UBAC2: variants seen among roughly 807,000 people sequenced by gnomAD.
The protein encoded by UBAC2 is UBA domain containing 2, also known as ubiquitin-associated domain-containing protein 2.
A neutral mutation model predicts 44.0 loss-of-function variants in UBAC2; 26 were observed. The ratio of observed to expected loss-of-function variants is 0.59; its 90% CI spans 0.43 to 0.82. UBAC2 has a LOEUF of 0.82. UBAC2 is among the 40% of genes least tolerant of loss of function. UBAC2 has a pLI of 0.00. For missense variants in UBAC2, 329 were observed against 419.4 expected (o/e 0.78, Z 1.88); for synonymous variants, 155 against 154.3 (o/e 1.00, Z -0.04).
chr13:99,273,403 G>A (rs1476017561), intron 4 of UBAC2, among the ~76,000 whole-genome samples: 1 of 152,156 alleles, frequency 6.6e-6, no homozygotes, highest in African/African-American at 2.4e-5. Flanking sequence ...CTCCTGTTTG[G>A]TGAGGTTCCA....
chr13:99,208,124 A>C (rs1192554726), intron 1 of UBAC2, among the ~76,000 whole-genome samples: 2 of 151,220 alleles, frequency 1.3e-5, no homozygotes, highest in African/African-American at 2.4e-5. Context: ...CAGCCCCCCA[A>C]GTAGCTGGGA....
intron 7 of UBAC2, among the ~76,000 whole-genome samples, chr13:99,341,437 G>A (rs937550637): frequency 1.4e-5 from 2 of 145,592 alleles, no homozygotes; most frequent in Non-Finnish European, 3.0e-5. Flanking sequence ...GAGGAAGGGG[G>A]CAGCTTATTA....
At chr13:99,241,172 G>T (rs1373021801) in intron 2 of UBAC2, among the ~76,000 whole-genome samples, 1 of 150,892 alleles carries the variant, frequency 6.6e-6, no homozygotes, top group East Asian at 2.0e-4. Flanking sequence ...GCTGAGCTGC[G>T]AGTATTGATT....
intron 4 of UBAC2, among the ~76,000 whole-genome samples, chr13:99,259,572 C>A (rs984715863): frequency 6.6e-6 from 1 of 152,106 alleles, no homozygotes; most frequent in Admixed American, 6.5e-5. Flanking sequence ...CAGTTTCTCC[C>A]GCTGTAATAA....
At chr13:99,358,473 T>C (rs1175981613) in intron 7 of UBAC2, among the ~76,000 whole-genome samples, 2 of 152,222 alleles carry the variant, frequency 1.3e-5, no homozygotes, top group African/African-American at 4.8e-5. Flanking sequence ...AGTGCCACTC[T>C]TCTCAGTAAT....
At chr13:99,324,600 T>G (rs2044613014) in intron 6 of UBAC2, among the ~76,000 whole-genome samples, 1 of 152,236 alleles carries the variant, frequency 6.6e-6, no homozygotes, top group Non-Finnish European at 1.5e-5. Context: ...CTAAGCACTT[T>G]ACAAACATTA....
chr13:99,385,163 T>G, intron 8 of UBAC2, 65 bp from the exon 9 acceptor site: 27 of 1,207,244 alleles, frequency 2.2e-5, no homozygotes, highest in Non-Finnish European at 3.1e-5. Flanking sequence ...ATGAAGAACA[T>G]TTGGGGCCCA....
At chr13:99,232,461 A>G (rs2043187233) in intron 1 of UBAC2, among the ~76,000 whole-genome samples, 1 of 142,468 alleles carries the variant, frequency 7.0e-6, no homozygotes, top group Non-Finnish European at 1.6e-5. Context: ...AAAAAAAAAA[A>G]TCTTCAAAGG....
At chr13:99,291,221 T>C (rs1260901525) in intron 4 of UBAC2, among the ~76,000 whole-genome samples, 1 of 152,194 alleles carries the variant, frequency 6.6e-6, no homozygotes, top group Non-Finnish European at 1.5e-5. Flanking sequence ...ACTTGGAAAG[T>C]GGCATGTAGT....
chr13:99,285,058 A>G (rs192995454), intron 4 of UBAC2, among the ~76,000 whole-genome samples: 1 of 152,310 alleles, frequency 6.6e-6, no homozygotes, highest in Admixed American at 6.5e-5. Flanking sequence ...ACATCATAAT[A>G]TCATATTTCA....
At chr13:99,334,538 C>A (rs2044760117) in intron 6 of UBAC2, among the ~76,000 whole-genome samples, 2 of 152,140 alleles carry the variant, frequency 1.3e-5, no homozygotes, top group Admixed American at 1.3e-4. Context: ...TAGGGTCTTG[C>A]AAGCTTCTCC....
At chr13:99,280,491 A>G (rs559105580) in intron 4 of UBAC2, among the ~76,000 whole-genome samples, 1 of 152,342 alleles carries the variant, frequency 6.6e-6, no homozygotes, top group South Asian at 2.1e-4. Context: ...TGCTCCAGCC[A>G]GAGTTGGAAT....
chr13:99,242,770 C>T (rs9557182), intron 2 of UBAC2, among the ~76,000 whole-genome samples: 11 of 23,908 alleles, frequency 4.6e-4, no homozygotes, highest in East Asian at 1.6e-3. Flanking sequence ...GGCTGCCGGG[C>T]GGAGACGCTC....
intron 6 of UBAC2, among the ~76,000 whole-genome samples, chr13:99,325,166 G>A (rs1004678634): frequency 7.0e-6 from 1 of 142,862 alleles, no homozygotes; most frequent in East Asian, 2.1e-4. Flanking sequence ...GCTGTGGCGC[G>A]ATCTTGGTTC....
intron 1 of UBAC2, among the ~76,000 whole-genome samples, chr13:99,214,119 T>C (rs1463882472): frequency 6.6e-6 from 1 of 152,186 alleles, no homozygotes; most frequent in African/African-American, 2.4e-5. Context: ...GCACCTGGCC[T>C]GATTGTGTAT....
intron 7 of UBAC2, among the ~76,000 whole-genome samples, chr13:99,361,583 T>A (rs1167001117): frequency 6.6e-6 from 1 of 152,230 alleles, no homozygotes; most frequent in Non-Finnish European, 1.5e-5. Flanking sequence ...ACTACATACA[T>A]ACTTATCAGG....
chr13:99,298,939 G>A (rs562764676), intron 4 of UBAC2, among the ~76,000 whole-genome samples: 6 of 152,056 alleles, frequency 3.9e-5, no homozygotes, highest in African/African-American at 7.2e-5. Context: ...CTTTGAAAAT[G>A]TATTTTTTTC....
intron 7 of UBAC2, among the ~76,000 whole-genome samples, chr13:99,341,461 C>T (rs532557928): frequency 7.9e-5 from 12 of 152,080 alleles, no homozygotes; most frequent in South Asian, 2.1e-4. Flanking sequence ...GCAGAGTCTA[C>T]AAGAGAAATA....
At chr13:99,247,406 G>A (rs1171672515) in intron 4 of UBAC2, among the ~76,000 whole-genome samples, 1 of 151,554 alleles carries the variant, frequency 6.6e-6, no homozygotes, top group Non-Finnish European at 1.5e-5. Context: ...AGTAGAGACG[G>A]GGTTTCACCG....
Sources: allele counts gnomAD v4.1 joint callset (sites outside exome capture counted in the v4.1 genomes callset), GRCh38; gene constraint gnomAD v4.1.1; transcripts MANE v1.5; gene names NCBI Gene and HGNC (gene_info 2026-07-23, HGNC 2026-07-21).